Variants in LRRTM3 observed in about 807,000 individuals in gnomAD.
The protein encoded by LRRTM3 is leucine rich repeat transmembrane neuronal 3.
In LRRTM3, 24 loss-of-function variants were observed where a neutral mutation model predicts 44.7. The observed-to-expected ratio is 0.54, with a 90% CI of 0.39 to 0.76. LRRTM3 has a LOEUF of 0.76. Among genes scored for constraint, LRRTM3 ranks in the 30% least tolerant of loss-of-function variants. The probability of loss-of-function intolerance (pLI) is 0.00; values close to 1 mark genes in which losing one functional copy is unlikely to be tolerated. For missense variants in LRRTM3, 587 were observed against 702.2 expected (o/e 0.84, Z 1.85); for synonymous variants, 277 against 278.7 (o/e 0.99, Z 0.06).
At chr10:67,069,469 T>C (rs1856301442) in intron 2 of LRRTM3, among the ~76,000 whole-genome samples, 2 of 152,078 alleles carry the variant, frequency 1.3e-5, no homozygotes, top group African/African-American at 4.8e-5. Context: ...TGTATACATA[T>C]CATGATGGTG....
intron 2 of LRRTM3, among the ~76,000 whole-genome samples, chr10:67,050,112 T>C (rs2133180839): frequency 6.6e-6 from 1 of 152,346 alleles, no homozygotes; most frequent in South Asian, 2.1e-4. Context: ...TCCTCTGATT[T>C]CCATTGCCCG....
intron 2 of LRRTM3, among the ~76,000 whole-genome samples, chr10:66,959,035 C>T (rs966007926): frequency 3.3e-5 from 5 of 152,074 alleles, no homozygotes; most frequent in Non-Finnish European, 7.4e-5. Context: ...TAATTATACA[C>T]ATCCCCATTG....
At chr10:66,997,846 T>C (rs1851442671) in intron 2 of LRRTM3, among the ~76,000 whole-genome samples, 2 of 152,164 alleles carry the variant, frequency 1.3e-5, no homozygotes, top group South Asian at 4.1e-4. Flanking sequence ...GCCAGAAGCC[T>C]ACAGTCATCC....
chr10:66,977,312 T>G (rs1055109648), intron 2 of LRRTM3, among the ~76,000 whole-genome samples: 1 of 152,064 alleles, frequency 6.6e-6, no homozygotes, highest in African/African-American at 2.4e-5. Flanking sequence ...GGCTGGTACC[T>G]GTAGTCCCAG....
intron 2 of LRRTM3, among the ~76,000 whole-genome samples, chr10:66,948,418 G>A (rs976528472): frequency 3.9e-5 from 6 of 152,176 alleles, no homozygotes; most frequent in East Asian, 1.9e-4. Context: ...ATGCACTTGC[G>A]TAACAACATG....
intron 2 of LRRTM3, among the ~76,000 whole-genome samples, chr10:67,039,274 A>C (rs534641419): frequency 6.6e-6 from 1 of 152,266 alleles, no homozygotes; most frequent in African/African-American, 2.4e-5. Flanking sequence ...GCTGTTAGAA[A>C]TCCTGAATAT....
chr10:67,074,342 CTTTTTTTTTT>C (rs36186252), intron 2 of LRRTM3, among the ~76,000 whole-genome samples: 1 of 68,726 alleles, frequency 1.5e-5, no homozygotes, highest in Non-Finnish European at 2.5e-5. Flanking sequence ...CACTTTAACT[CTTTTTTTTTT>C]TTTTTTTTTT....
In LRRTM3 at chr10:66,966,488, T is replaced by A. The variant is rs565911075; in HGVS notation, c.1536+38036T>A. 1.7e-3 allele frequency among the ~76,000 whole-genome samples: 259 copies of A among 150,892 alleles called. 1 individual carries two copies. Among genetic ancestry groups the A allele is most frequent in the Non-Finnish European group, 3.0e-3 (201 of 67,942 alleles). On this transcript the variant is annotated intron_variant, in intron 2 of 2. Coordinates refer to ENST00000361320, the MANE Select transcript of LRRTM3 (RefSeq NM_178011.5). The stretch of plus-strand genomic sequence containing the variant: ...GGTTAACTCGGCTATGTAATATATT[T>A]TTTTTTTCAGGATATACCTTTCAGA...
At chr10:66,947,167 C>T (rs1848314373) in intron 2 of LRRTM3, among the ~76,000 whole-genome samples, 1 of 152,094 alleles carries the variant, frequency 6.6e-6, no homozygotes, top group Admixed American at 6.6e-5. Context: ...CTACTTTACA[C>T]CAAGGTGTTC....
chr10:66,991,920 C>T (rs1428545868), intron 2 of LRRTM3, among the ~76,000 whole-genome samples: 1 of 152,144 alleles, frequency 6.6e-6, no homozygotes, highest in East Asian at 1.9e-4. Flanking sequence ...TTCACCACTC[C>T]TGTTGGCCAT....
intron 2 of LRRTM3, among the ~76,000 whole-genome samples, chr10:67,007,400 CT>C (rs552186162): frequency 0.095 from 13,807 of 145,794 alleles, 1,479 homozygotes; most frequent in African/African-American, 0.27. Flanking sequence ...TTCAATCTGA[CT>C]TTTTTTTTTT....
intron 2 of LRRTM3, among the ~76,000 whole-genome samples, chr10:66,948,729 T>C (rs1016541179): frequency 2.0e-5 from 3 of 152,208 alleles, no homozygotes; most frequent in African/African-American, 7.2e-5. Flanking sequence ...ACATATTAAA[T>C]GATAACAATC....
chr10:66,995,867 T>A (rs117271984), intron 2 of LRRTM3, among the ~76,000 whole-genome samples: 628 of 152,340 alleles, frequency 4.1e-3, no homozygotes, highest in Non-Finnish European at 7.3e-3. Context: ...CACTTCCATC[T>A]TTGTTTCATA....
At chr10:67,021,202 C>T (rs1488305276) in intron 2 of LRRTM3, among the ~76,000 whole-genome samples, 1 of 152,032 alleles carries the variant, frequency 6.6e-6, no homozygotes, top group Admixed American at 6.6e-5. Flanking sequence ...GTTCAATTAT[C>T]CAACACAATA....
chr10:67,066,749 TG>T (rs1856116961), intron 2 of LRRTM3, among the ~76,000 whole-genome samples: 1 of 152,216 alleles, frequency 6.6e-6, no homozygotes, highest in South Asian at 2.1e-4. Context: ...TGGAAAGTTT[TG>T]TTTATGAACT....
intron 2 of LRRTM3, among the ~76,000 whole-genome samples, chr10:67,059,607 T>C (rs960048585): frequency 6.6e-6 from 1 of 152,226 alleles, no homozygotes; most frequent in African/African-American, 2.4e-5. Context: ...TTTCCTTTTT[T>C]TAAAGTTGTC....
chr10:67,077,480 TTCTGGACCC>T (rs2131867019), intron 2 of LRRTM3, among the ~76,000 whole-genome samples: 1 of 152,274 alleles, frequency 6.6e-6, no homozygotes, highest in African/African-American at 2.4e-5. Flanking sequence ...AGTCCAACCA[TTCTGGACCC>T]TCTGTCCCCT....
chr10:66,929,575 C>T (rs1847255745), intron 2 of LRRTM3, among the ~76,000 whole-genome samples: 1 of 152,102 alleles, frequency 6.6e-6, no homozygotes, highest in South Asian at 2.1e-4. Flanking sequence ...TTGAAAAGGA[C>T]GACTTTGATA....
chr10:66,975,997 C>A (rs886896489), intron 2 of LRRTM3, among the ~76,000 whole-genome samples: 3 of 152,138 alleles, frequency 2.0e-5, no homozygotes, highest in Non-Finnish European at 4.4e-5. Flanking sequence ...AGAGTTGATT[C>A]TTTTCTACCA....
Sources: gnomAD v4.1 joint callset for allele counts (sites outside exome capture counted in the v4.1 genomes callset) on GRCh38, gnomAD v4.1.1 for gene constraint, MANE v1.5 for transcripts, NCBI Gene and HGNC (gene_info 2026-07-23, HGNC 2026-07-21) for gene names.